The following RORA variants were observed in gnomAD, a reference collection of about 807,000 sequenced individuals.
RORA encodes the protein nuclear receptor ROR-alpha.
RORA carries 7 observed loss-of-function variants against 69.5 expected under a neutral mutation model. The observed-to-expected ratio is 0.10, with a 90% CI of 0.06 to 0.19. The LOEUF is 0.19. RORA is among the 10% of genes least tolerant of loss of function. The pLI is 1.00. For missense variants in RORA, 457 were observed against 663.0 expected, an observed-to-expected ratio of 0.69 and a Z score of 3.41; for synonymous variants, 261 against 240.8, an observed-to-expected ratio of 1.08 and a Z score of -0.78.
chr15:60,973,061 G>A (rs75324585), intron 1 of RORA, among the ~76,000 whole-genome samples: 2,674 of 151,980 alleles, frequency 0.018, 70 homozygotes, highest in African/African-American at 0.062. Flanking sequence ...TGGGAAATCC[G>A]GAATTAGAAC....
intron 1 of RORA, among the ~76,000 whole-genome samples, chr15:60,954,861 C>T (rs972925862): frequency 6.6e-6 from 1 of 152,182 alleles, no homozygotes; most frequent in African/African-American, 2.4e-5. Flanking sequence ...TTCTTGAGGG[C>T]ATGGACTTGC....
intron 1 of RORA, among the ~76,000 whole-genome samples, chr15:61,207,450 T>C (rs1201058992): frequency 2.0e-5 from 3 of 152,226 alleles, no homozygotes; most frequent in African/African-American, 7.2e-5. Context: ...CTCCATTAGC[T>C]AGAAGCTCAG....
chr15:60,714,289 C>A (rs887637393), intron 1 of RORA, among the ~76,000 whole-genome samples: 2 of 152,010 alleles, frequency 1.3e-5, no homozygotes, highest in Non-Finnish European at 2.9e-5. Context: ...CAACTCCTGA[C>A]CCCAGGTGAT....
At chr15:60,717,184 T>C (rs1267802709) in intron 1 of RORA, among the ~76,000 whole-genome samples, 2 of 152,194 alleles carry the variant, frequency 1.3e-5, no homozygotes, top group Non-Finnish European at 2.9e-5. Flanking sequence ...ACTTGGTGTG[T>C]GGGAAAAACT....
At chr15:60,612,412 C>G (rs746626037) in intron 2 of RORA, among the ~76,000 whole-genome samples, 19 of 152,326 alleles carry the variant, frequency 1.2e-4, no homozygotes, top group Middle Eastern at 3.4e-3. Flanking sequence ...CCTCAACTAA[C>G]CCCGGGCAGA....
intron 2 of RORA, among the ~76,000 whole-genome samples, chr15:60,617,284 C>A (rs909348828): frequency 1.3e-5 from 2 of 152,130 alleles, no homozygotes; most frequent in Admixed American, 1.3e-4. Context: ...AGGGAGAGCA[C>A]CCAGCCCCAG....
At chr15:61,072,891 T>G (rs935076769) in intron 1 of RORA, among the ~76,000 whole-genome samples, 1 of 152,206 alleles carries the variant, frequency 6.6e-6, no homozygotes, top group Non-Finnish European at 1.5e-5. Context: ...GCATGGCCCA[T>G]AATAAAAGTG....
intron 2 of RORA, among the ~76,000 whole-genome samples, chr15:60,614,032 G>A (rs745405346): frequency 6.6e-6 from 1 of 151,858 alleles, no homozygotes; most frequent in Non-Finnish European, 1.5e-5. Flanking sequence ...AATGAAAAAG[G>A]AAAACTGGAA....
intron 1 of RORA, among the ~76,000 whole-genome samples, chr15:61,067,110 T>C (rs1014467028): frequency 6.6e-6 from 1 of 151,252 alleles, no homozygotes; most frequent in Non-Finnish European, 1.5e-5. Flanking sequence ...TCTAAACTTT[T>C]TTTCTTTTTT....
intron 1 of RORA, among the ~76,000 whole-genome samples, chr15:60,912,329 A>G (rs1055601069): frequency 6.6e-6 from 1 of 152,082 alleles, no homozygotes; most frequent in African/African-American, 2.4e-5. Context: ...GGCTGAGATG[A>G]CAGGATCGCT....
intron 1 of RORA, among the ~76,000 whole-genome samples, chr15:61,088,311 A>C (rs932030830): frequency 1.3e-5 from 2 of 152,164 alleles, no homozygotes; most frequent in Non-Finnish European, 1.5e-5. Context: ...AGCAAAGAAA[A>C]GTGTGTGCAT....
chr15:61,099,919 A>G (rs186975759), intron 1 of RORA, among the ~76,000 whole-genome samples: 6 of 152,318 alleles, frequency 3.9e-5, no homozygotes, highest in Non-Finnish European at 7.4e-5. Flanking sequence ...TAGTGAAGAC[A>G]GTTCTAAAAT....
chr15:60,761,335 C>A (rs1238365488), intron 1 of RORA, among the ~76,000 whole-genome samples: 1 of 152,010 alleles, frequency 6.6e-6, no homozygotes, highest in Non-Finnish European at 1.5e-5. Flanking sequence ...ATACACTCAA[C>A]AAGAAAACCA....
intron 1 of RORA, among the ~76,000 whole-genome samples, chr15:60,748,138 G>T (rs2071674130): frequency 1.3e-5 from 2 of 152,154 alleles, no homozygotes; most frequent in Admixed American, 1.3e-4. Context: ...TATAAAATAA[G>T]ATGAAAAGAT....
intron 2 of RORA, among the ~76,000 whole-genome samples, chr15:60,587,099 A>G (rs895785799): frequency 3.3e-5 from 5 of 152,214 alleles, no homozygotes; most frequent in Non-Finnish European, 7.3e-5. Context: ...AGTGGAACAT[A>G]TAGATATATC....
Position 60,540,569 on chromosome 15 carries a change from C to CT in RORA, c.197-8719_197-8718insA, listed in dbSNP as rs1567071330. Among the ~76,000 whole-genome samples the CT allele has an allele frequency of 4.8e-5, 3 of 62,578 alleles. 1 individual carries two copies. Among genetic ancestry groups the CT allele is most frequent in the South Asian group, 2.7e-3 (2 of 730 alleles). The allele number at this position is 62,578 out of a possible 152,430, so 41.1% of individuals were successfully genotyped here. ...CCACCTGCACAATTTCCATGACCCCCCCCCCCCAAAACTGTGCGGTCACAA... is the reference window on the plus strand; with the variant it reads ...CCACCTGCACAATTTCCATGACCCCCTCCCCCCCAAAACTGTGCGGTCACAA... On this transcript the variant is annotated intron_variant, in intron 2 of 10. Transcript: ENST00000335670.
At position 60,497,534 on chromosome 15, in the gene RORA, A is replaced by G. The variant is rs201307578; in HGVS notation, c.1493T>C (p.Ile498Thr). The change falls in exon 11 of 11, where the codon ATT becomes ACT. Residue 498 changes from isoleucine (I) to threonine (T), a missense_variant. Coordinates refer to ENST00000335670, the MANE Select transcript of RORA (RefSeq NM_134261.3). ...TAATGGAGGAAAATGAAGTCGCACA[A>G]TGTCTGGGTATATTGCTTTAAATGC... ...LMAFKAIYPD[I>T]VRLHFPPLYK... is the part of the protein sequence containing the mutation. The G allele has an allele frequency of 5.6e-6, 9 of 1,613,710 alleles. No homozygotes were observed. Among genetic ancestry groups the G allele is most frequent in the African/African-American group, 1.3e-5 (1 of 74,922 alleles).
chr15:61,094,127 T>C (rs1449837055), intron 1 of RORA, among the ~76,000 whole-genome samples: 1 of 152,128 alleles, frequency 6.6e-6, no homozygotes, highest in East Asian at 1.9e-4. Context: ...GACTTAGCCT[T>C]TTCTCCTAAG....
intron 1 of RORA, among the ~76,000 whole-genome samples, chr15:60,916,279 A>T (rs1891870960): frequency 6.6e-6 from 1 of 152,214 alleles, no homozygotes; most frequent in Non-Finnish European, 1.5e-5. Context: ...AAAGGAACAG[A>T]TCTGATTGGC....
Sources: allele counts gnomAD v4.1 joint callset (sites outside exome capture counted in the v4.1 genomes callset), GRCh38; gene constraint gnomAD v4.1.1; transcripts MANE v1.5; gene names NCBI Gene and HGNC (gene_info 2026-07-23, HGNC 2026-07-21).